Variants in KCNB2 observed in about 807,000 individuals in gnomAD.
KCNB2 encodes potassium voltage-gated channel subfamily B member 2, also known as delayed rectifier potassium channel protein.
A neutral mutation model predicts 61.5 loss-of-function variants in KCNB2; 15 were observed. The ratio of observed to expected loss-of-function variants is 0.24; its 90% CI spans 0.16 to 0.38. The LOEUF is 0.38. Among genes scored for constraint, KCNB2 ranks in the 10% least tolerant of loss-of-function variants. KCNB2 has a pLI of 1.00. For synonymous variants in KCNB2, 457 were observed against 446.0 expected (o/e 1.02, Z -0.31); for missense variants, 828 against 1,125.2 (o/e 0.74, Z 3.78).
At chr8:72,792,528 T>G (rs1808962314) in intron 2 of KCNB2, among the ~76,000 whole-genome samples, 1 of 152,232 alleles carries the variant, frequency 6.6e-6, no homozygotes, top group African/African-American at 2.4e-5. Context: ...CAAATTGTAT[T>G]GACCGTCAGT....
intron 2 of KCNB2, among the ~76,000 whole-genome samples, chr8:72,914,343 A>C (rs1806353868): frequency 6.6e-6 from 1 of 152,248 alleles, no homozygotes; most frequent in Non-Finnish European, 1.5e-5. Flanking sequence ...AATGAAATTT[A>C]GGAGAAAATA....
chr8:72,823,411 G>T (rs1379037063), intron 2 of KCNB2, among the ~76,000 whole-genome samples: 1 of 152,136 alleles, frequency 6.6e-6, no homozygotes. Context: ...TCTGTGCACA[G>T]ACACTGTCTC....
At position 72,911,295 on chromosome 8, in the gene KCNB2, C is replaced by A. The variant is rs117574224; in HGVS notation, c.580-24640C>A. 6.7e-3 allele frequency among the ~76,000 whole-genome samples: 1,014 copies of A among 152,312 alleles called. 2 individuals carry two copies. The highest frequency in any genetic ancestry group is 0.011 in the Non-Finnish European group (782 of 68,030). On this transcript the variant is annotated intron_variant, in intron 2 of 2. Transcript: ENST00000523207. Reference sequence around the variant, plus strand: ...AGAACACACAGATTTGGGATTGGTACTCAGGATTCATTTATCTTTGTGAGG... The same window carrying A: ...AGAACACACAGATTTGGGATTGGTAATCAGGATTCATTTATCTTTGTGAGG...
At position 72,748,886 on chromosome 8, in the gene KCNB2, A is replaced by G. The variant is rs372826770; in HGVS notation, c.579+180573A>G. ...CACTTAAAAATCTATTCTCTTTGCA[A>G]TTTTTGAAACACAATACATTGCTAT... is the stretch of plus-strand genomic sequence containing the variant. On this transcript the variant is annotated intron_variant, in intron 2 of 2. Coordinates refer to ENST00000523207, the MANE Select transcript of KCNB2 (RefSeq NM_004770.3). Among the ~76,000 whole-genome samples the G allele has an allele frequency of 1.5e-4, 23 of 152,040 alleles. No homozygotes were observed. The East Asian group carries it at 2.9e-3, about 19-fold the overall frequency.
intron 2 of KCNB2, among the ~76,000 whole-genome samples, chr8:72,836,899 GA>G (rs1443838002): frequency 1.3e-5 from 2 of 152,254 alleles, no homozygotes; most frequent in East Asian, 3.9e-4. Context: ...GAAAGAGTGG[GA>G]CTTTGTCTCA....
At chr8:72,593,247 G>T (rs952810392) in intron 2 of KCNB2, among the ~76,000 whole-genome samples, 3 of 152,152 alleles carry the variant, frequency 2.0e-5, no homozygotes, top group African/African-American at 7.2e-5. Flanking sequence ...AAATATTTGT[G>T]TGGAGAGAAG....
At chr8:72,771,943 GA>G (rs1808568753) in intron 2 of KCNB2, among the ~76,000 whole-genome samples, 2 of 152,120 alleles carry the variant, frequency 1.3e-5, no homozygotes, top group South Asian at 4.2e-4. Context: ...AGATTCCATG[GA>G]AAGCCACAGA....
intron 2 of KCNB2, among the ~76,000 whole-genome samples, chr8:72,808,507 A>G (rs567675528): frequency 2.3e-4 from 35 of 152,334 alleles, no homozygotes; most frequent in African/African-American, 7.2e-4. Context: ...ATTTCTAACA[A>G]GAGTCAATGT....
At chr8:72,907,511 GGC>G (rs1394103479) in intron 2 of KCNB2, among the ~76,000 whole-genome samples, 1 of 152,200 alleles carries the variant, frequency 6.6e-6, no homozygotes, top group Non-Finnish European at 1.5e-5. Flanking sequence ...GTCAATCCAA[GGC>G]TCATGGTATG....
chr8:72,607,372 C>T (rs576422164), intron 2 of KCNB2, among the ~76,000 whole-genome samples: 1 of 152,164 alleles, frequency 6.6e-6, no homozygotes, highest in Non-Finnish European at 1.5e-5. Flanking sequence ...CCAAGGACCC[C>T]TTGTTTCAAA....
At chr8:72,730,216 A>G (rs1306612488) in intron 2 of KCNB2, among the ~76,000 whole-genome samples, 1 of 152,208 alleles carries the variant, frequency 6.6e-6, no homozygotes, top group Non-Finnish European at 1.5e-5. Context: ...TTAAGGGCCA[A>G]CTAGAGCCAA....
Position 72,902,388 on chromosome 8 carries a change from T to G in KCNB2, c.580-33547T>G, listed in dbSNP as rs541584954. On this transcript the variant is annotated intron_variant, in intron 2 of 2. Coordinates refer to ENST00000523207, the MANE Select transcript of KCNB2 (RefSeq NM_004770.3). ...TGATCAGAGGATGGAGTTTTAGAGTTTGAGATTTCAGATCTGGAGTAGTGC... is the reference window on the plus strand; with the variant it reads ...TGATCAGAGGATGGAGTTTTAGAGTGTGAGATTTCAGATCTGGAGTAGTGC... Among the ~76,000 whole-genome samples the G allele has an allele frequency of 2.0e-5, 3 of 152,128 alleles. No homozygotes were observed. In the East Asian group the frequency reaches 5.8e-4, roughly 29 times the overall value.
intron 2 of KCNB2, among the ~76,000 whole-genome samples, chr8:72,782,722 C>A (rs1458426989): frequency 1.3e-5 from 2 of 152,080 alleles, no homozygotes; most frequent in Non-Finnish European, 2.9e-5. Flanking sequence ...ATAATTTTCC[C>A]AATATTTGTC....
At chr8:72,593,469 T>C (rs986454184) in intron 2 of KCNB2, among the ~76,000 whole-genome samples, 1 of 152,222 alleles carries the variant, frequency 6.6e-6, no homozygotes, top group African/African-American at 2.4e-5. Flanking sequence ...GAGAAAAGAC[T>C]AGCTTTTACG....
intron 2 of KCNB2, among the ~76,000 whole-genome samples, chr8:72,782,169 T>C (rs1808769317): frequency 6.6e-6 from 1 of 152,096 alleles, no homozygotes; most frequent in Non-Finnish European, 1.5e-5. Flanking sequence ...CCAAACAGCA[T>C]GTTGGTGTGA....
chr8:72,625,377 C>T (rs1019600333), intron 2 of KCNB2, among the ~76,000 whole-genome samples: 2 of 152,106 alleles, frequency 1.3e-5, no homozygotes, highest in Non-Finnish European at 2.9e-5. Flanking sequence ...AAAGTAAAAA[C>T]CTCAGTGATC....
At chr8:72,802,080 C>T (rs1809142148) in intron 2 of KCNB2, among the ~76,000 whole-genome samples, 1 of 152,162 alleles carries the variant, frequency 6.6e-6, no homozygotes, top group Non-Finnish European at 1.5e-5. Flanking sequence ...CCTAATTCAT[C>T]CCTGTAGTTT....
At chr8:72,650,923 G>T (rs966086791) in intron 2 of KCNB2, among the ~76,000 whole-genome samples, 6 of 152,096 alleles carry the variant, frequency 3.9e-5, no homozygotes, top group Admixed American at 2.6e-4. Context: ...CTATATGGCA[G>T]CCAAGATTTA....
intron 2 of KCNB2, among the ~76,000 whole-genome samples, chr8:72,723,313 T>C (rs1020068117): frequency 1.3e-5 from 2 of 152,204 alleles, no homozygotes; most frequent in African/African-American, 4.8e-5. Flanking sequence ...TTATTTGAAC[T>C]AAAACATATT....
Sources: gnomAD v4.1 joint callset for allele counts (sites outside exome capture counted in the v4.1 genomes callset) on GRCh38, gnomAD v4.1.1 for gene constraint, MANE v1.5 for transcripts, NCBI Gene and HGNC (gene_info 2026-07-23, HGNC 2026-07-21) for gene names.